LRP2BP: variants seen among roughly 807,000 people sequenced by gnomAD.
LRP2BP encodes LRP2-binding protein.
In LRP2BP, 38 loss-of-function variants were observed where a neutral mutation model predicts 45.2. The ratio of observed to expected loss-of-function variants is 0.84; its 90% CI spans 0.65 to 1.10. The LOEUF (loss-of-function observed/expected upper bound fraction) is 1.10, where lower values mean the gene tolerates loss of function less well. Ranked by LOEUF, LRP2BP falls within the 50% of genes least tolerant of loss-of-function variation. LRP2BP has a pLI of 0.00. For synonymous variants in LRP2BP, 153 were observed against 153.9 expected, an observed-to-expected ratio of 0.99 and a Z score of 0.04; for missense variants, 385 against 418.9, an observed-to-expected ratio of 0.92 and a Z score of 0.71.
At chr4:185,387,984 C>G (rs1035588565) in intron 1 of LRP2BP, among the ~76,000 whole-genome samples, 3 of 152,176 alleles carry the variant, frequency 2.0e-5, no homozygotes, top group Non-Finnish European at 4.4e-5. Context: ...GACGAGCCCT[C>G]GACAGGAAAA....
intron 1 of LRP2BP, among the ~76,000 whole-genome samples, chr4:185,384,352 C>T (rs1015426424): frequency 6.6e-6 from 1 of 152,014 alleles, no homozygotes; most frequent in Non-Finnish European, 1.5e-5. Context: ...TATAAATTAC[C>T]CAACTAAGGA....
At chr4:185,372,407 T>G (rs1302962521) in intron 7 of LRP2BP, among the ~76,000 whole-genome samples, 1 of 152,220 alleles carries the variant, frequency 6.6e-6, no homozygotes, top group Non-Finnish European at 1.5e-5. Context: ...AAAAGTTTAG[T>G]GCTAAGTTGC....
chr4:185,369,641 G>A, intron 8 of LRP2BP: 2 of 349,720 alleles, frequency 5.7e-6, no homozygotes, highest in Admixed American at 4.0e-5. Context: ...GCATTTGGCT[G>A]TGTGCTATGT....
At chr4:185,396,640 G>A, upstream of LRP2BP, 2 of 477,968 alleles carry the variant, frequency 4.2e-6, no homozygotes, top group South Asian at 2.6e-5. Flanking sequence ...GGATGGCCTC[G>A]CGCGCCCGCC....
At chr4:185,378,283 C>T (rs78751239) in intron 1 of LRP2BP, 76 bp from the exon 2 acceptor site, 2 of 1,541,756 alleles carry the variant, frequency 1.3e-6, no homozygotes, top group Non-Finnish European at 1.7e-6. Flanking sequence ...CTATTCCCAC[C>T]AGGTGCTCAT....
intron 1 of LRP2BP, among the ~76,000 whole-genome samples, chr4:185,383,367 C>G (rs2095461141): frequency 6.6e-6 from 1 of 152,156 alleles, no homozygotes; most frequent in Non-Finnish European, 1.5e-5. Context: ...ATAGTCCTAG[C>G]TACTCAGGAG....
intron 1 of LRP2BP, among the ~76,000 whole-genome samples, chr4:185,382,756 T>G (rs2095459207): frequency 6.6e-6 from 1 of 152,234 alleles, no homozygotes; most frequent in African/African-American, 2.4e-5. Context: ...TAATTTGCAA[T>G]TTTTTCCCAA....
chr4:185,367,940 G>A (rs1397079853), intron 8 of LRP2BP, among the ~76,000 whole-genome samples: 1 of 152,170 alleles, frequency 6.6e-6, no homozygotes, highest in African/African-American at 2.4e-5. Context: ...AGCACTTTGG[G>A]AGGCCGAGGT....
chr4:185,388,922 C>G (rs2095480091), intron 1 of LRP2BP, among the ~76,000 whole-genome samples: 1 of 152,006 alleles, frequency 6.6e-6, no homozygotes, highest in South Asian at 2.1e-4. Flanking sequence ...TGTCGCCAGG[C>G]TGGAGTACAG....
intron 3 of LRP2BP, among the ~76,000 whole-genome samples, chr4:185,376,589 C>T (rs941853626): frequency 2.0e-5 from 3 of 151,810 alleles, no homozygotes; most frequent in Admixed American, 2.0e-4. Context: ...CCACCGCACC[C>T]GGCCTGATAA....
intron 1 of LRP2BP, among the ~76,000 whole-genome samples, chr4:185,391,839 T>C (rs1353975499): frequency 2.0e-5 from 3 of 152,220 alleles, no homozygotes; most frequent in African/African-American, 4.8e-5. Flanking sequence ...TCATTGTTAC[T>C]GCGGTGTCAC....
chr4:185,368,802 T>G (rs1285120537), intron 8 of LRP2BP, among the ~76,000 whole-genome samples: 2 of 151,422 alleles, frequency 1.3e-5, no homozygotes, highest in East Asian at 1.9e-4. Context: ...TTTGTTTTTT[T>G]TTTTTTTTTG....
chr4:185,374,015 A>T, intron 6 of LRP2BP, 120 bp downstream of exon 6: 1 of 791,802 alleles, frequency 1.3e-6, no homozygotes, highest in Non-Finnish European at 2.0e-6. Flanking sequence ...TGCTTTCTTT[A>T]CATTTAAAGG....
chr4:185,396,184 C>T (rs2095502053), upstream of LRP2BP: 1 of 152,266 alleles, frequency 6.6e-6, no homozygotes, highest in African/African-American at 2.4e-5. Flanking sequence ...GCCGTTGCCA[C>T]TCGGGACAGC....
At chr4:185,368,415 G>GGA (rs753352478) in intron 8 of LRP2BP, among the ~76,000 whole-genome samples, 11 of 152,184 alleles carry the variant, frequency 7.2e-5, no homozygotes, top group South Asian at 6.2e-4. Flanking sequence ...GCCTGCCATG[G>GGA]GCACTGATTC....
chr4:185,378,658 T>C, intron 1 of LRP2BP: 1 of 987,332 alleles, frequency 1.0e-6, no homozygotes, highest in Non-Finnish European at 1.2e-6. Flanking sequence ...GAATACACTT[T>C]ATTTTAGCTG....
At position 185,372,987 on chromosome 4, in the gene LRP2BP, C is replaced by T; in HGVS notation, c.672G>A (p.Arg224=). 1 of 1,614,028 alleles carries T rather than the reference C, an allele frequency of 6.2e-7. No individual in the cohort carries two copies. Among genetic ancestry groups the T allele is most frequent in the Non-Finnish European group, 8.5e-7 (1 of 1,179,880 alleles). ...ACTGCAGGGCAGCTTCCGTATCCTG[C>T]CGGATGCCTTGTCCATACAAGTACA... ...GLMYLYGQGI[R]QDTEAALQCL... is the part of the protein sequence containing the mutation. Residue 224 remains arginine, a synonymous_variant, in exon 7 of 9, where the codon CGG becomes CGA. Coordinates refer to ENST00000505916, the MANE Select transcript of LRP2BP (RefSeq NM_001377440.1).
chr4:185,394,399 A>C (rs1169991680), intron 1 of LRP2BP, among the ~76,000 whole-genome samples: 1 of 152,164 alleles, frequency 6.6e-6, no homozygotes, highest in Admixed American at 6.5e-5. Context: ...AACTGACTTC[A>C]AATTCCTGAT....
At chr4:185,388,298 T>G (rs898624427) in intron 1 of LRP2BP, among the ~76,000 whole-genome samples, 4 of 152,196 alleles carry the variant, frequency 2.6e-5, no homozygotes, top group Admixed American at 2.0e-4. Flanking sequence ...CCATCAAGTC[T>G]GCTGTACAAG....
Sources: allele counts gnomAD v4.1 joint callset (sites outside exome capture counted in the v4.1 genomes callset), GRCh38; gene constraint gnomAD v4.1.1; transcripts MANE v1.5; gene names NCBI Gene and HGNC (gene_info 2026-07-23, HGNC 2026-07-21).